The following CSNK1G3 variants were observed in gnomAD, a reference collection of about 807,000 sequenced individuals.
CSNK1G3 encodes casein kinase I isoform gamma-3.
In CSNK1G3, 23 loss-of-function variants were observed where a neutral mutation model predicts 64.3. That is an observed-to-expected ratio of 0.36 (90% CI 0.26 to 0.51). The LOEUF is 0.51. CSNK1G3 is among the 20% of genes least tolerant of loss of function. CSNK1G3 has a pLI of 0.96. For missense variants in CSNK1G3, 357 were observed against 510.5 expected, an observed-to-expected ratio of 0.70 and a Z score of 2.90; for synonymous variants, 158 against 162.2, an observed-to-expected ratio of 0.97 and a Z score of 0.20.
intron 1 of CSNK1G3, among the ~76,000 whole-genome samples, chr5:123,519,134 A>G (rs1580841564): frequency 6.6e-6 from 1 of 151,522 alleles, no homozygotes; most frequent in Middle Eastern, 3.5e-3. Flanking sequence ...GTTCATTGCA[A>G]CCCCTGCCTC....
intron 4 of CSNK1G3, among the ~76,000 whole-genome samples, chr5:123,568,354 C>T (rs929782007): frequency 1.2e-4 from 18 of 152,132 alleles, no homozygotes; most frequent in African/African-American, 4.1e-4. Flanking sequence ...CTTCTCGGTC[C>T]AACCACTGGG....
chr5:123,542,480 T>C (rs1344214511), intron 1 of CSNK1G3, among the ~76,000 whole-genome samples: 1 of 152,226 alleles, frequency 6.6e-6, no homozygotes, highest in Non-Finnish European at 1.5e-5. Context: ...TCTGATATTA[T>C]GTGATTTACT....
intron 4 of CSNK1G3, among the ~76,000 whole-genome samples, chr5:123,561,659 T>C (rs983893987): frequency 1.3e-5 from 2 of 152,202 alleles, no homozygotes; most frequent in Non-Finnish European, 2.9e-5. Context: ...TCCAGTTCTT[T>C]ATCTCCTGCT....
At chr5:123,605,656 A>G (rs1192345882) in intron 12 of CSNK1G3, among the ~76,000 whole-genome samples, 3 of 152,080 alleles carry the variant, frequency 2.0e-5, no homozygotes, top group Non-Finnish European at 4.4e-5. Flanking sequence ...TTGTTTTATA[A>G]TAGTTTTTAT....
chr5:123,565,305 C>T (rs767562149), intron 4 of CSNK1G3, among the ~76,000 whole-genome samples: 4 of 152,106 alleles, frequency 2.6e-5, no homozygotes, highest in Non-Finnish European at 4.4e-5. Flanking sequence ...TACTGACTTC[C>T]TGCAAGGGTC....
At chr5:123,568,698 T>C (rs560981917) in intron 4 of CSNK1G3, among the ~76,000 whole-genome samples, 1 of 152,312 alleles carries the variant, frequency 6.6e-6, no homozygotes, top group East Asian at 1.9e-4. Flanking sequence ...TCTTCAAGGC[T>C]CTTGTCTCCT....
intron 10 of CSNK1G3, among the ~76,000 whole-genome samples, chr5:123,595,423 G>A (rs1030760837): frequency 5.9e-5 from 9 of 152,056 alleles, no homozygotes; most frequent in Non-Finnish European, 1.3e-4. Flanking sequence ...CTTGAAATAG[G>A]TATTAAACTT....
At chr5:123,547,635 G>A (rs1368439197) in intron 2 of CSNK1G3, among the ~76,000 whole-genome samples, 2 of 152,188 alleles carry the variant, frequency 1.3e-5, no homozygotes, top group African/African-American at 4.8e-5. Flanking sequence ...TGGCTTCTTA[G>A]TACATCTGTC....
rs188986848 is a variant in CSNK1G3, at chr5:123,522,193, G to A, written c.-248+9623G>A. On this transcript the variant is annotated intron_variant, in intron 1 of 12. Coordinates refer to ENST00000345990, the Ensembl canonical transcript of CSNK1G3. Reference sequence around the variant, plus strand: ...TAGCTTCATACAGTTCCTCAGATTCGTTCCAGGACCCCTCATGGCTATCAA... The same window carrying A: ...TAGCTTCATACAGTTCCTCAGATTCATTCCAGGACCCCTCATGGCTATCAA... 4.2e-4 allele frequency among the ~76,000 whole-genome samples: 64 copies of A among 152,076 alleles called. No homozygotes were observed. The East Asian group carries it at 9.5e-3, about 22-fold the overall frequency.
intron 10 of CSNK1G3, among the ~76,000 whole-genome samples, chr5:123,593,084 G>A (rs1003943416): frequency 6.6e-6 from 1 of 151,658 alleles, no homozygotes; most frequent in Non-Finnish European, 1.5e-5. Flanking sequence ...TAGACTTTTA[G>A]TTTTCTACAT....
At chr5:123,527,674 T>C (rs1779308741) in intron 1 of CSNK1G3, among the ~76,000 whole-genome samples, 1 of 152,208 alleles carries the variant, frequency 6.6e-6, no homozygotes, top group Non-Finnish European at 1.5e-5. Flanking sequence ...TATTTCGCTG[T>C]AGTTGAGAAG....
At chr5:123,588,547 G>C (rs201315942) in intron 8 of CSNK1G3, 36 bp downstream of exon 8, 16 of 1,226,332 alleles carry the variant, frequency 1.3e-5, no homozygotes. Context: ...ATTATATACA[G>C]AAAACTAGAA....
chr5:123,559,130 A>G (rs148315947), intron 4 of CSNK1G3, among the ~76,000 whole-genome samples: 37 of 152,304 alleles, frequency 2.4e-4, no homozygotes, highest in African/African-American at 7.2e-4. Context: ...TTTAATTACT[A>G]TGAATTTGAT....
At chr5:123,574,186 G>A (rs917293265) in intron 5 of CSNK1G3, among the ~76,000 whole-genome samples, 2 of 152,040 alleles carry the variant, frequency 1.3e-5, no homozygotes, top group East Asian at 1.9e-4. Flanking sequence ...TAGACTTTAT[G>A]ACCTGGAAAA....
chr5:123,540,865 G>GATAT lies in CSNK1G3; in HGVS notation c.-247-4548_-247-4545dup, dbSNP rs1781570579. 3.3e-5 allele frequency among the ~76,000 whole-genome samples: 5 copies of GATAT among 152,122 alleles called. No individual in the cohort carries two copies. The South Asian group carries it at 1.0e-3, about 32-fold the overall frequency. On this transcript the variant is annotated intron_variant, in intron 1 of 12. Transcript: ENST00000345990. ...TGGTCTCGAACTTCTGACCTCAAGT[G>GATAT]ATATATACCCACCTTGGCCTCCCAA... is the stretch of plus-strand genomic sequence containing the variant.
intron 10 of CSNK1G3, 47 bp downstream of exon 10, chr5:123,591,461 C>T (rs1561590480): frequency 1.6e-6 from 2 of 1,254,476 alleles, no homozygotes; most frequent in African/African-American, 3.0e-5. Context: ...ATGATTGAAA[C>T]ATACACTTTT....
At chr5:123,575,679 G>T in intron 5 of CSNK1G3, 50 bp from the exon 6 acceptor site, 2 of 1,107,080 alleles carry the variant, frequency 1.8e-6, no homozygotes, top group Admixed American at 1.8e-5. Flanking sequence ...ACTTGCTTAG[G>T]CTAGTCAAAG....
chr5:123,599,142 A>G (rs183624342), intron 10 of CSNK1G3, among the ~76,000 whole-genome samples: 1 of 152,288 alleles, frequency 6.6e-6, no homozygotes, highest in African/African-American at 2.4e-5. Context: ...GCAAACTGAA[A>G]ATCTGATCCT....
intron 1 of CSNK1G3, among the ~76,000 whole-genome samples, chr5:123,530,691 T>A (rs1012503872): frequency 2.6e-5 from 4 of 152,172 alleles, no homozygotes; most frequent in African/African-American, 9.7e-5. Context: ...AAGCTAGAAA[T>A]TCCTGGGTCT....
Sources: allele counts gnomAD v4.1 joint callset (sites outside exome capture counted in the v4.1 genomes callset), GRCh38; gene constraint gnomAD v4.1.1; transcripts MANE v1.5; gene names NCBI Gene and HGNC (gene_info 2026-07-23, HGNC 2026-07-21).